PSD2: variants seen among roughly 807,000 people sequenced by gnomAD.
PSD2 encodes pleckstrin and Sec7 domain containing 2, also known as PH and SEC7 domain-containing protein 2.
Under a neutral mutation model 69.8 loss-of-function variants are expected in PSD2, and 38 were observed. That is an observed-to-expected ratio of 0.54 (90% confidence interval 0.42 to 0.71). The LOEUF (loss-of-function observed/expected upper bound fraction) is 0.71, where lower values mean the gene tolerates loss of function less well. PSD2 is among the 30% of genes least tolerant of loss of function. The pLI is 0.00. For missense variants in PSD2, 943 were observed against 1,014.5 expected (o/e 0.93, Z 0.96); for synonymous variants, 412 against 423.0 (o/e 0.97, Z 0.32).
At position 139,821,998 on chromosome 5, in the gene PSD2, T is replaced by C; in HGVS notation, c.1203T>C (p.Thr401=). Reference sequence around the variant, plus strand: ...GCCAGTGCAACCCTGATGACAGCACTTCGGAAGGTATGGCCCCTTGCCCAC... The same window carrying C: ...GCCAGTGCAACCCTGATGACAGCACCTCGGAAGGTATGGCCCCTTGCCCAC... ...RYCQCNPDDS[T]SEDGIHTLTC... Residue 401 remains threonine (T), a synonymous_variant, in exon 6 of 15, where the codon ACT becomes ACC. Transcript: ENST00000274710. 1 of 1,601,864 alleles carries C rather than the reference T, an allele frequency of 6.2e-7. No individual in the cohort carries two copies. Among genetic ancestry groups the C allele is most frequent in the Non-Finnish European group, 8.5e-7 (1 of 1,172,316 alleles).
chr5:139,764,606 C>T, the PSD2 span, among the ~76,000 whole-genome samples: 3 of 152,162 alleles, frequency 2.0e-5, no homozygotes, highest in South Asian at 4.1e-4. Flanking sequence ...CGCGCGCCGC[C>T]CTCCCCCGGC....
intron 1 of PSD2, among the ~76,000 whole-genome samples, chr5:139,803,883 C>T (rs1759732776): frequency 1.3e-5 from 2 of 152,088 alleles, no homozygotes; most frequent in African/African-American, 4.8e-5. Flanking sequence ...TGGGAAGATC[C>T]TTAACTCCAG....
At position 139,842,412 on chromosome 5, in the gene PSD2, C is replaced by A; in HGVS notation, c.2254C>A (p.Leu752Ile). 6.2e-7 allele frequency: 1 copy of A among 1,614,198 alleles called. No homozygotes were observed. The highest frequency in any genetic ancestry group is 8.5e-7 in the Non-Finnish European group (1 of 1,180,022). Residue 752 changes from leucine to isoleucine, a missense_variant, in exon 15 of 15, where the codon CTC becomes ATC. This residue lies in a region of PSD2 where 165 missense variants were observed against 168.8 expected (regional missense o/e 0.98). Coordinates refer to ENST00000274710, the MANE Select transcript of PSD2 (RefSeq NM_032289.4). Reference protein sequence around the residue: ...SLRKTHSSPALSQGHVTGSKT... With the variant: ...SLRKTHSSPAISQGHVTGSKT... Reference sequence around the variant, plus strand: ...CCGGAAGACACATTCAAGCCCTGCCCTCAGCCAGGGCCATGTGACTGGCAG... The same window carrying A: ...CCGGAAGACACATTCAAGCCCTGCCATCAGCCAGGGCCATGTGACTGGCAG...
At chr5:139,765,714 CG>C in the PSD2 span, among the ~76,000 whole-genome samples, 2 of 152,064 alleles carry the variant, frequency 1.3e-5, no homozygotes, top group Non-Finnish European at 2.9e-5. Flanking sequence ...CATCCAAGGC[CG>C]TCTTCTTACA....
chr5:139,758,849 G>T, the PSD2 span, among the ~76,000 whole-genome samples: 3 of 152,126 alleles, frequency 2.0e-5, no homozygotes, highest in African/African-American at 7.2e-5. Flanking sequence ...GACTTGGGCA[G>T]TGTCTCCCAT....
At chr5:139,753,842 T>C in the PSD2 span, among the ~76,000 whole-genome samples, 1 of 152,042 alleles carries the variant, frequency 6.6e-6, no homozygotes, top group African/African-American at 2.4e-5. Flanking sequence ...TTGTTTGTTT[T>C]GTTTTGTTTT....
chr5:139,755,556 C>G, the PSD2 span, among the ~76,000 whole-genome samples: 7 of 151,866 alleles, frequency 4.6e-5, no homozygotes, highest in East Asian at 1.9e-4. Context: ...CTATTTGTCT[C>G]TGTGTGTGTG....
At chr5:139,778,424 A>G in the PSD2 span, among the ~76,000 whole-genome samples, 1 of 152,220 alleles carries the variant, frequency 6.6e-6, no homozygotes, top group African/African-American at 2.4e-5. Flanking sequence ...GTATAGATAA[A>G]GAATATCTTT....
In PSD2 at chr5:139,822,723, C is replaced by T; in HGVS notation, c.1211-3C>T. ...ACTGAGAGTGCCACCATCTCTGACTCAGATGGGATCCACACGCTCACCTGT... is the reference window on the plus strand; with the variant it reads ...ACTGAGAGTGCCACCATCTCTGACTTAGATGGGATCCACACGCTCACCTGT... On this transcript the variant is annotated splice_region_variant and splice_polypyrimidine_tract_variant and intron_variant, in intron 6 of 14. Coordinates refer to ENST00000274710, the MANE Select transcript of PSD2 (RefSeq NM_032289.4). The T allele has an allele frequency of 1.9e-6, 3 of 1,609,452 alleles. No individual in the cohort carries two copies. The highest frequency in any genetic ancestry group is 2.5e-6 in the Non-Finnish European group (3 of 1,177,576).
chr5:139,747,368 C>G, the PSD2 span, among the ~76,000 whole-genome samples: 1 of 152,178 alleles, frequency 6.6e-6, no homozygotes, highest in African/African-American at 2.4e-5. This position sits in a 1 kb window ranked among gnomAD's most constrained non-coding sequence, Gnocchi z 6.7. Context: ...GCAGCCTCCC[C>G]CCCAGCTGTT....
chr5:139,769,672 C>A, the PSD2 span, among the ~76,000 whole-genome samples: 44 of 152,316 alleles, frequency 2.9e-4, no homozygotes, highest in Admixed American at 2.5e-3. Context: ...TGAAGTGAGT[C>A]ATAGATGCCC....
At chr5:139,777,999 G>A in the PSD2 span, among the ~76,000 whole-genome samples, 1 of 152,224 alleles carries the variant, frequency 6.6e-6, no homozygotes, top group Non-Finnish European at 1.5e-5. Context: ...TAGAGCCTGG[G>A]AACAAGGCAA....
chr5:139,770,042 C>T, the PSD2 span, among the ~76,000 whole-genome samples: 34 of 152,148 alleles, frequency 2.2e-4, no homozygotes, highest in Non-Finnish European at 4.0e-4. Context: ...TCATGCGGGC[C>T]GGCTGGGGCT....
In PSD2 at chr5:139,813,696, G is replaced by A; in HGVS notation, c.759G>A (p.Gln253=). ...ATGGATTCCATGAAGATGGCCCTCA[G>A]GGCCCAGGGGGGGATGAGGATGATG... is the stretch of plus-strand genomic sequence containing the variant. ...MPNGFHEDGP[Q]GPGGDEDDDE... is the part of the protein sequence containing the mutation. Residue 253 remains glutamine, a synonymous_variant, in exon 3 of 15, where the codon CAG becomes CAA. Transcript: ENST00000274710. 6.2e-7 allele frequency: 1 copy of A among 1,613,616 alleles called. No homozygotes were observed. The highest frequency in any genetic ancestry group is 8.5e-7 in the Non-Finnish European group (1 of 1,179,840).
the PSD2 span, among the ~76,000 whole-genome samples, chr5:139,787,356 G>A: frequency 2.0e-5 from 3 of 152,106 alleles, no homozygotes. Context: ...CACAGACGAA[G>A]GGGGGCCTGG....
At chr5:139,779,060 A>C in the PSD2 span, among the ~76,000 whole-genome samples, 1 of 151,668 alleles carries the variant, frequency 6.6e-6, no homozygotes, top group East Asian at 1.9e-4. Flanking sequence ...TTGCCTCCTA[A>C]ATGCTGACAG....
chr5:139,817,443 AC>A, intron 4 of PSD2, 37 bp from the exon 5 acceptor site: 1 of 1,577,720 alleles, frequency 6.3e-7, no homozygotes, highest in South Asian at 1.1e-5. Flanking sequence ...CTTGGGCTGG[AC>A]CCTGCTTCTA....
intron 1 of PSD2, among the ~76,000 whole-genome samples, chr5:139,801,816 T>C (rs1342067161): frequency 2.0e-5 from 3 of 152,204 alleles, no homozygotes; most frequent in African/African-American, 4.8e-5. Context: ...GTTTCTCTTC[T>C]TGAGCGGCAA....
At chr5:139,778,840 G>A in the PSD2 span, among the ~76,000 whole-genome samples, 2 of 151,478 alleles carry the variant, frequency 1.3e-5, no homozygotes, top group African/African-American at 4.9e-5. Context: ...GAGGTGGGAG[G>A]GTTGCTTGAA....
Sources: gnomAD v4.1 joint callset for allele counts (sites outside exome capture counted in the v4.1 genomes callset) on GRCh38, gnomAD v4.1.1 for gene constraint, gnomAD v4.1.1 regional missense constraint, Gnocchi (gnomAD v3.1) non-coding constraint, MANE v1.5 for transcripts, NCBI Gene and HGNC (gene_info 2026-07-23, HGNC 2026-07-21) for gene names.